ABCC4: variants seen among roughly 807,000 people sequenced by gnomAD.
The protein encoded by ABCC4 is ATP-binding cassette sub-family C member 4.
In ABCC4, 102 loss-of-function variants were observed where a neutral mutation model predicts 168.5. The ratio of observed to expected loss-of-function variants is 0.61; its 90% CI spans 0.52 to 0.71. ABCC4 has a LOEUF of 0.71. Among genes scored for constraint, ABCC4 ranks in the 30% least tolerant of loss-of-function variants. The pLI is 0.00. For missense variants in ABCC4, 1,402 were observed against 1,605.8 expected (o/e 0.87, Z 2.17); for synonymous variants, 617 against 590.7 (o/e 1.04, Z -0.65).
chr13:95,236,180 G>GT (rs1566555350), intron 3 of ABCC4, among the ~76,000 whole-genome samples: 3 of 152,096 alleles, frequency 2.0e-5, no homozygotes, highest in Non-Finnish European at 1.5e-5. Flanking sequence ...CGAACCCGTT[G>GT]TAAGGGACCC....
intron 15 of ABCC4, among the ~76,000 whole-genome samples, chr13:95,165,237 A>C (rs1366229956): frequency 6.6e-6 from 1 of 152,186 alleles, no homozygotes; most frequent in Non-Finnish European, 1.5e-5. Flanking sequence ...AGGGGGTCAA[A>C]ACATGAGCTC....
chr13:95,054,020 CCTTTTTTTTTTTTTTTTTTTTTTTT>C (rs1474435313), intron 26 of ABCC4: 1 of 73,168 alleles, frequency 1.4e-5, no homozygotes, highest in Admixed American at 1.7e-4. Context: ...AATGGGACAT[CCTTTTTTTTTTTTTTTTTTTTTTTT>C]TTTTTTTTTT....
At chr13:95,085,419 G>A (rs1377534778) in intron 20 of ABCC4, among the ~76,000 whole-genome samples, 2 of 152,168 alleles carry the variant, frequency 1.3e-5, no homozygotes, top group Admixed American at 1.3e-4. Flanking sequence ...CAGCCTGGAC[G>A]AGAAAGTGAG....
intron 1 of ABCC4, among the ~76,000 whole-genome samples, chr13:95,256,687 A>C (rs2040400479): frequency 6.6e-6 from 1 of 152,100 alleles, no homozygotes; most frequent in Non-Finnish European, 1.5e-5. Context: ...GAGCCTGGGA[A>C]GTCAAGGCTG....
intron 19 of ABCC4, among the ~76,000 whole-genome samples, chr13:95,134,578 G>A (rs958042914): frequency 6.6e-6 from 1 of 152,084 alleles, no homozygotes; most frequent in Non-Finnish European, 1.5e-5. Flanking sequence ...AAGCTAGCCG[G>A]AGGAGGTGGC....
chr13:95,272,045 C>G (rs1432953554), intron 1 of ABCC4, among the ~76,000 whole-genome samples: 1 of 134,458 alleles, frequency 7.4e-6, no homozygotes, highest in Non-Finnish European at 1.5e-5. Context: ...TCTTTAAGCA[C>G]ATATTTTTTT....
intron 29 of ABCC4, among the ~76,000 whole-genome samples, chr13:95,041,305 G>T (rs942787816): frequency 7.9e-5 from 12 of 152,220 alleles, no homozygotes; most frequent in African/African-American, 2.7e-4. Flanking sequence ...CCAAAACTGG[G>T]TAAATCCCTT....
intron 19 of ABCC4, among the ~76,000 whole-genome samples, chr13:95,148,632 ACACAC>A: frequency 1.3e-5 from 2 of 150,864 alleles, no homozygotes; most frequent in African/African-American, 2.4e-5. Context: ...ACACACACAC[ACACAC>A]AATCAATGCT....
chr13:95,061,683 A>AC (rs1472264824), intron 26 of ABCC4, among the ~76,000 whole-genome samples: 14 of 142,198 alleles, frequency 9.8e-5, no homozygotes, highest in Admixed American at 7.9e-4. Flanking sequence ...AAAAAAAAAA[A>AC]CCCACATTAA....
At chr13:95,027,719 C>T (rs1195057090) in intron 30 of ABCC4, among the ~76,000 whole-genome samples, 2 of 151,928 alleles carry the variant, frequency 1.3e-5, no homozygotes, top group Non-Finnish European at 2.9e-5. Flanking sequence ...TTAGAGGAAA[C>T]AAAAGGAACA....
intron 19 of ABCC4, among the ~76,000 whole-genome samples, chr13:95,130,076 A>G (rs752299597): frequency 8.7e-5 from 12 of 138,416 alleles, no homozygotes; most frequent in Non-Finnish European, 1.7e-4. Context: ...ACTCCATCTT[A>G]AAAAAAAAAA....
intron 1 of ABCC4, among the ~76,000 whole-genome samples, chr13:95,265,430 G>GA (rs11435237): frequency 0.13 from 18,907 of 146,680 alleles, 1,429 homozygotes; most frequent in African/African-American, 0.19. Flanking sequence ...GACACAATAA[G>GA]AAAAAAAAAA....
intron 2 of ABCC4, 151 bp from the exon 3 acceptor site, chr13:95,247,246 T>G: frequency 3.3e-5 from 29 of 878,124 alleles, no homozygotes; most frequent in Non-Finnish European, 4.5e-5. Context: ...TCCTGAAGGT[T>G]ATGTGTGGTA....
intron 1 of ABCC4, among the ~76,000 whole-genome samples, chr13:95,297,346 A>G (rs1767099504): frequency 6.6e-6 from 1 of 152,132 alleles, no homozygotes. Flanking sequence ...CAACAGCCAT[A>G]ATGCATGACT....
At chr13:95,114,596 T>C (rs1239022513) in intron 20 of ABCC4, among the ~76,000 whole-genome samples, 3 of 152,148 alleles carry the variant, frequency 2.0e-5, no homozygotes, top group Non-Finnish European at 4.4e-5. Flanking sequence ...TCAGAGGTCC[T>C]TGTTTGCAGT....
chr13:95,292,866 G>A (rs891974599), intron 1 of ABCC4, among the ~76,000 whole-genome samples: 2 of 152,158 alleles, frequency 1.3e-5, no homozygotes, highest in Non-Finnish European at 1.5e-5. Flanking sequence ...AAGGAGCTAC[G>A]TCGCAGGCCA....
At chr13:95,101,354 AT>A (rs4148526) in intron 20 of ABCC4, among the ~76,000 whole-genome samples, 2,117 of 141,400 alleles carry the variant, frequency 0.015, 16 homozygotes, top group African/African-American at 0.03. Context: ...CAAGCTGCTG[AT>A]TTTTTTTTTT....
At chr13:95,260,090 G>C (rs2040494495) in intron 1 of ABCC4, among the ~76,000 whole-genome samples, 1 of 152,166 alleles carries the variant, frequency 6.6e-6, no homozygotes, top group Non-Finnish European at 1.5e-5. Flanking sequence ...GTGGGGCCCT[G>C]CAATCTGTAT....
intron 19 of ABCC4, among the ~76,000 whole-genome samples, chr13:95,130,727 G>C (rs1358804918): frequency 1.3e-5 from 2 of 152,060 alleles, no homozygotes; most frequent in African/African-American, 4.8e-5. Context: ...TGAGTTTAAG[G>C]GGGAAAAAGA....
Sources: gnomAD v4.1 joint callset for allele counts (sites outside exome capture counted in the v4.1 genomes callset) on GRCh38, gnomAD v4.1.1 for gene constraint, MANE v1.5 for transcripts, NCBI Gene and HGNC (gene_info 2026-07-23, HGNC 2026-07-21) for gene names.